COLEC10: variants seen among roughly 807,000 people sequenced by gnomAD.
COLEC10 encodes collectin subfamily member 10, also known as collectin-10.
Under a neutral mutation model 28.4 loss-of-function variants are expected in COLEC10, and 22 were observed. The ratio of observed to expected loss-of-function variants is 0.78; its 90% CI spans 0.55 to 1.11. COLEC10 has a LOEUF of 1.11. COLEC10 is among the 50% of genes least tolerant of loss of function. The pLI is 0.00. For synonymous variants in COLEC10, 125 were observed against 116.1 expected (o/e 1.08, Z -0.49); for missense variants, 361 against 344.1 (o/e 1.05, Z -0.39).
intron 2 of COLEC10, among the ~76,000 whole-genome samples, chr8:119,025,421 C>T (rs913720120): frequency 4.6e-5 from 7 of 152,156 alleles, no homozygotes; most frequent in East Asian, 1.9e-4. Flanking sequence ...TCTGTGGGTT[C>T]GTGGGAAACA....
intron 3 of COLEC10, among the ~76,000 whole-genome samples, chr8:119,095,643 A>G (rs1326722012): frequency 1.3e-5 from 2 of 152,318 alleles, no homozygotes; most frequent in East Asian, 3.9e-4. Context: ...TAGAGGTTGC[A>G]GTGAGCTGAG....
chr8:119,015,690 C>A (rs1484425223), intron 2 of COLEC10, among the ~76,000 whole-genome samples: 2 of 152,134 alleles, frequency 1.3e-5, no homozygotes, highest in African/African-American at 4.8e-5. Context: ...AAAGTTTCTG[C>A]CTCAGTAAGT....
rs529824051 is a variant in COLEC10, at chr8:119,021,480, G to A, written n.235+11927G>A. On this transcript the variant is annotated intron_variant and non_coding_transcript_variant, in intron 2 of 6. Transcript: ENST00000521788. ...GTCCTCTACAATCAGTGCAGTAGGA[G>A]CTGGCAGGAATTACTACTGCTGGAG... 9.8e-5 allele frequency among the ~76,000 whole-genome samples: 15 copies of A among 152,288 alleles called. No homozygotes were observed. The South Asian group carries it at 3.1e-3, about 32-fold the overall frequency.
intron 2 of COLEC10, among the ~76,000 whole-genome samples, chr8:119,049,401 C>CTA (rs1814636664): frequency 1.7e-4 from 10 of 60,080 alleles, no homozygotes; most frequent in African/African-American, 7.3e-4. Context: ...ATTTTCTTTT[C>CTA]TTTTTTTTTT....
At chr8:118,959,946 G>A in the COLEC10 span, among the ~76,000 whole-genome samples, 1 of 152,232 alleles carries the variant, frequency 6.6e-6, no homozygotes, top group Non-Finnish European at 1.5e-5. Flanking sequence ...AATGATGTGA[G>A]TATGGTATGA....
At chr8:119,047,484 G>A (rs544757905) in intron 2 of COLEC10, among the ~76,000 whole-genome samples, 2 of 152,138 alleles carry the variant, frequency 1.3e-5, no homozygotes, top group Non-Finnish European at 2.9e-5. Context: ...GGTTTTTATT[G>A]CATTTGGTGC....
the COLEC10 span, among the ~76,000 whole-genome samples, chr8:118,972,939 G>A: frequency 6.6e-6 from 1 of 151,972 alleles, no homozygotes; most frequent in Non-Finnish European, 1.5e-5. Flanking sequence ...GCAGCAAGAA[G>A]TGCTGAGCAA....
chr8:119,023,634 T>C (rs1450128802), intron 2 of COLEC10, among the ~76,000 whole-genome samples: 1 of 152,204 alleles, frequency 6.6e-6, no homozygotes, highest in Non-Finnish European at 1.5e-5. Flanking sequence ...AAATTTTAGT[T>C]ATGTTGAAAG....
At chr8:119,057,606 G>A (rs2130189318) in intron 2 of COLEC10, among the ~76,000 whole-genome samples, 1 of 152,144 alleles carries the variant, frequency 6.6e-6, no homozygotes, top group Middle Eastern at 3.4e-3. Flanking sequence ...AGGAAAAATT[G>A]TGTCTTATTC....
intron 2 of COLEC10, among the ~76,000 whole-genome samples, chr8:119,010,294 T>C (rs920378822): frequency 2.0e-5 from 3 of 150,922 alleles, no homozygotes; most frequent in Non-Finnish European, 4.4e-5. Context: ...TGAGCTTTTT[T>C]CAGTAATATG....
At chr8:118,996,613 G>A (rs1199818973) in intron 1 of COLEC10, among the ~76,000 whole-genome samples, 7 of 152,084 alleles carry the variant, frequency 4.6e-5, no homozygotes, top group Admixed American at 2.0e-4. Flanking sequence ...TATTAGTGAC[G>A]TTGGGCATCT....
intron 1 of COLEC10, among the ~76,000 whole-genome samples, chr8:119,074,667 A>G (rs1237143429): frequency 2.0e-5 from 3 of 152,082 alleles, no homozygotes; most frequent in Non-Finnish European, 4.4e-5. Context: ...CCTACTTATC[A>G]CAATTTTCTG....
the COLEC10 span, among the ~76,000 whole-genome samples, chr8:118,985,083 A>C: frequency 6.6e-6 from 1 of 152,144 alleles, no homozygotes; most frequent in Non-Finnish European, 1.5e-5. Flanking sequence ...GGGGGGACAC[A>C]GAGCCAAACC....
At chr8:118,965,654 G>A in the COLEC10 span, among the ~76,000 whole-genome samples, 1 of 151,896 alleles carries the variant, frequency 6.6e-6, no homozygotes, top group African/African-American at 2.4e-5. Flanking sequence ...TGCAAAGCAG[G>A]GAAGAAGTAA....
At chr8:118,956,144 T>G in the COLEC10 span, among the ~76,000 whole-genome samples, 2 of 152,172 alleles carry the variant, frequency 1.3e-5, no homozygotes, top group African/African-American at 4.8e-5. Context: ...GAGAGTTCTC[T>G]GGGGTCTCTT....
At chr8:119,021,621 C>CA (rs1284976217) in intron 2 of COLEC10, among the ~76,000 whole-genome samples, 1 of 152,114 alleles carries the variant, frequency 6.6e-6, no homozygotes, top group Non-Finnish European at 1.5e-5. Flanking sequence ...TGAGCAACAC[C>CA]ACTTTTTGCT....
intron 1 of COLEC10, among the ~76,000 whole-genome samples, chr8:118,999,794 T>A (rs750656075): frequency 3.9e-5 from 6 of 152,110 alleles, no homozygotes; most frequent in Non-Finnish European, 7.4e-5. Context: ...AGATATAAAA[T>A]GTTGGCAATG....
intron 2 of COLEC10, among the ~76,000 whole-genome samples, chr8:119,025,461 C>A (rs539538991): frequency 1.3e-5 from 2 of 152,312 alleles, no homozygotes; most frequent in South Asian, 4.1e-4. Context: ...CTGGGCCACC[C>A]ACCCCTGTGG....
the COLEC10 span, among the ~76,000 whole-genome samples, chr8:118,980,613 T>C: frequency 6.6e-6 from 1 of 152,132 alleles, no homozygotes; most frequent in African/African-American, 2.4e-5. Context: ...TTTTTTTAAA[T>C]AAAATTTTGC....
Sources: allele counts gnomAD v4.1 joint callset (sites outside exome capture counted in the v4.1 genomes callset), GRCh38; gene constraint gnomAD v4.1.1; transcripts MANE v1.5; gene names NCBI Gene and HGNC (gene_info 2026-07-23, HGNC 2026-07-21).